Variants in ERH observed in about 807,000 individuals in gnomAD.
ERH encodes ERH mRNA splicing and mitosis factor.
ERH carries 1 observed loss-of-function variant against 16.8 expected under a neutral mutation model. The observed-to-expected ratio is 0.06, with a 90% CI of 0.02 to 0.28. The LOEUF is 0.28. ERH is among the 10% of genes least tolerant of loss of function. The pLI is 1.00. For missense variants in ERH, 42 were observed against 127.5 expected, an observed-to-expected ratio of 0.33 and a Z score of 3.23; for synonymous variants, 43 against 43.6, an observed-to-expected ratio of 0.99 and a Z score of 0.05.
At chr14:69,387,718 A>G (rs984629035) in intron 2 of ERH, among the ~76,000 whole-genome samples, 1 of 151,782 alleles carries the variant, frequency 6.6e-6, no homozygotes, top group Non-Finnish European at 1.5e-5. Context: ...AAAATTGGCA[A>G]CAAGGAAAGA....
At position 69,380,480 on chromosome 14, in the gene ERH, A is replaced by T. The variant is rs1489659307; in HGVS notation, c.*58T>A. On this transcript the variant is annotated 3_prime_UTR_variant, in exon 4 of 4. Coordinates refer to ENST00000557016, the MANE Select transcript of ERH (RefSeq NM_004450.3). ...TATGATACAAAACTTCCACTACAGC[A>T]CGCTGTACACACCTGTGTTCCAAGC... 2.1e-6 allele frequency: 2 copies of T among 944,366 alleles called. No homozygotes were observed. Among genetic ancestry groups the T allele is most frequent in the Non-Finnish European group, 3.5e-6 (2 of 572,776 alleles). 58.5% of individuals were successfully genotyped at this position (944,366 alleles called of 1,614,324 possible). A position where few individuals can be genotyped will look rare whatever the true frequency, so the allele number is the denominator to read the frequency against.
rs114469648 is a variant in ERH at position 69,392,327 on chromosome 14, C to T, written c.91+2498G>A. ...TTTTTAAATGGGAAATAAATCACCA[C>T]TTTTAATTTTTAGAAAAAGAGCTAC... is the stretch of plus-strand genomic sequence containing the variant. On this transcript the variant is annotated intron_variant, in intron 2 of 3. Transcript: ENST00000557016. 3.1e-3 allele frequency among the ~76,000 whole-genome samples: 479 copies of T among 152,084 alleles called. 5 individuals are homozygous for T. The highest frequency in any genetic ancestry group is 0.011 in the African/African-American group (465 of 41,478).
At chr14:69,395,315 T>C (rs1448923309) in intron 1 of ERH, among the ~76,000 whole-genome samples, 1 of 152,070 alleles carries the variant, frequency 6.6e-6, no homozygotes, top group Non-Finnish European at 1.5e-5. Flanking sequence ...AAAAAGTCAT[T>C]AGGATACTTT....
At chr14:69,385,407 CTGAGA>C (rs1039705559) in intron 3 of ERH, among the ~76,000 whole-genome samples, 17 of 152,198 alleles carry the variant, frequency 1.1e-4, no homozygotes, top group African/African-American at 4.1e-4. Context: ...CCTTATCTTT[CTGAGA>C]TAACTGAAGC....
intron 3 of ERH, among the ~76,000 whole-genome samples, chr14:69,382,705 G>GGC (rs1050917392): frequency 7.3e-5 from 11 of 151,670 alleles, no homozygotes; most frequent in African/African-American, 2.7e-4. Flanking sequence ...TGGGCGTGGT[G>GGC]GCGCGCACCT....
chr14:69,398,296 C>T lies in ERH; in HGVS notation c.-63G>A. On this transcript the variant is annotated 5_prime_UTR_variant, in exon 1 of 4. Coordinates refer to ENST00000557016, the MANE Select transcript of ERH (RefSeq NM_004450.3). ...CGCCGCCGTTACACGAGCTTAACTA[C>T]AACGCCGCTAACAGCCAATCCTCGC... is the stretch of plus-strand genomic sequence containing the variant. The T allele has an allele frequency of 6.2e-7, 1 of 1,612,124 alleles. No individual in the cohort carries two copies. The highest frequency in any genetic ancestry group is 8.5e-7 in the Non-Finnish European group (1 of 1,179,090).
At chr14:69,397,909 C>T in intron 1 of ERH, 1 of 510,428 alleles carries the variant, frequency 2.0e-6, no homozygotes, top group Non-Finnish European at 3.5e-6. Flanking sequence ...TAGAGTGAGA[C>T]TCTCTATCTC....
At chr14:69,390,263 T>G (rs1475858046) in intron 2 of ERH, among the ~76,000 whole-genome samples, 5 of 151,526 alleles carry the variant, frequency 3.3e-5, no homozygotes, top group African/African-American at 1.2e-4. Flanking sequence ...CAAAATAATC[T>G]TGAAAAAGAA....
At chr14:69,395,896 C>T (rs987475847) in intron 1 of ERH, among the ~76,000 whole-genome samples, 3 of 152,196 alleles carry the variant, frequency 2.0e-5, no homozygotes, top group Non-Finnish European at 4.4e-5. Context: ...ACAGACTTGT[C>T]TTCCACTTCG....
chr14:69,397,788 G>A (rs1168871745), intron 1 of ERH, among the ~76,000 whole-genome samples: 1 of 152,118 alleles, frequency 6.6e-6, no homozygotes, highest in East Asian at 1.9e-4. Context: ...CGAGGTGGCG[G>A]GCGCCTGTAA....
chr14:69,390,379 C>T (rs1025273903), intron 2 of ERH, among the ~76,000 whole-genome samples: 4 of 152,174 alleles, frequency 2.6e-5, no homozygotes, highest in Non-Finnish European at 4.4e-5. Flanking sequence ...ATCAATGGAA[C>T]AGAAATGAGA....
In ERH at chr14:69,390,082, C is replaced by T. The variant is rs971345538; in HGVS notation, c.92-2999G>A. 3.9e-5 allele frequency among the ~76,000 whole-genome samples: 6 copies of T among 152,252 alleles called. No individual in the cohort carries two copies. In the South Asian group the frequency reaches 8.3e-4, roughly 21 times the overall value. ...CAGAAAGTAAAGCCACCACACCATGCTTAATAAATGGAAAGACATCCCATG... is the reference window on the plus strand; with the variant it reads ...CAGAAAGTAAAGCCACCACACCATGTTTAATAAATGGAAAGACATCCCATG... On this transcript the variant is annotated intron_variant, in intron 2 of 3. Transcript: ENST00000557016.
At chr14:69,396,927 T>G (rs1222668943) in intron 1 of ERH, among the ~76,000 whole-genome samples, 1 of 152,244 alleles carries the variant, frequency 6.6e-6, no homozygotes, top group Non-Finnish European at 1.5e-5. Flanking sequence ...AAAAATAATT[T>G]TGTAGAAACC....
chr14:69,382,790 AAAAG>A (rs1012669603), intron 3 of ERH, among the ~76,000 whole-genome samples: 5 of 132,638 alleles, frequency 3.8e-5, no homozygotes, highest in African/African-American at 1.4e-4. Context: ...CTCTATCTCC[AAAAG>A]AAAAAAAAAA....
At chr14:69,397,899 T>C (rs925113669) in intron 1 of ERH, 5 of 474,274 alleles carry the variant, frequency 1.1e-5, no homozygotes, top group South Asian at 2.4e-5. Context: ...GCCTGGGCGA[T>C]AGAGTGAGAC....
intron 3 of ERH, among the ~76,000 whole-genome samples, chr14:69,382,304 ACT>A (rs1173946528): frequency 2.6e-5 from 4 of 152,122 alleles, no homozygotes; most frequent in Admixed American, 1.3e-4. Flanking sequence ...TTTTCTGAAA[ACT>A]CTTTGTCCAT....
chr14:69,380,342 G>T lies in ERH; in HGVS notation c.*196C>A. 4 of 397,302 alleles carry T rather than the reference G, an allele frequency of 1.0e-5. No individual in the cohort carries two copies. Among genetic ancestry groups the T allele is most frequent in the Non-Finnish European group, 1.8e-5 (4 of 224,220 alleles). 24.6% of individuals were successfully genotyped at this position (397,302 alleles called of 1,614,324 possible). A position where few individuals can be genotyped will look rare whatever the true frequency, so the allele number is the denominator to read the frequency against. ...AAATGTTTAAGTAAAAAAAAAAAAA[G>T]AAAGAGAAAGAAAAAGAGGAGGTAA... On this transcript the variant is annotated 3_prime_UTR_variant, in exon 4 of 4. Coordinates refer to ENST00000557016, the MANE Select transcript of ERH (RefSeq NM_004450.3).
chr14:69,389,240 T>C (rs1356489818), intron 2 of ERH, among the ~76,000 whole-genome samples: 1 of 152,194 alleles, frequency 6.6e-6, no homozygotes. Flanking sequence ...TTGGCCAGGC[T>C]GGTCTTGAAC....
intron 1 of ERH, 150 bp downstream of exon 1, chr14:69,398,081 G>C: frequency 9.8e-7 from 1 of 1,024,654 alleles, no homozygotes; most frequent in East Asian, 2.6e-5. Context: ...GCGTCCCTGC[G>C]GCGGGAAGAA....
Sources: allele counts gnomAD v4.1 joint callset (sites outside exome capture counted in the v4.1 genomes callset), GRCh38; gene constraint gnomAD v4.1.1; transcripts MANE v1.5; gene names NCBI Gene and HGNC (gene_info 2026-07-23, HGNC 2026-07-21).